The following RBMS3 variants were observed in gnomAD, a reference collection of about 807,000 sequenced individuals.
RBMS3 encodes RNA-binding motif, single-stranded-interacting protein 3.
Under a neutral mutation model 66.8 loss-of-function variants are expected in RBMS3, and 27 were observed. The observed-to-expected ratio is 0.40, with a 90% CI of 0.30 to 0.56. RBMS3 has a LOEUF of 0.56. Ranked by LOEUF, RBMS3 falls within the 20% of genes least tolerant of loss-of-function variation. RBMS3 has a pLI of 0.40. For synonymous variants in RBMS3, 188 were observed against 183.0 expected, an observed-to-expected ratio of 1.03 and a Z score of -0.22; for missense variants, 513 against 549.5, an observed-to-expected ratio of 0.93 and a Z score of 0.66.
intron 1 of RBMS3, among the ~76,000 whole-genome samples, chr3:29,363,095 TG>T (rs2037697613): frequency 6.6e-6 from 1 of 152,204 alleles, no homozygotes; most frequent in Admixed American, 6.5e-5. Context: ...TTTTTAGTTT[TG>T]TGCTCACCTC....
chr3:29,334,451 G>T (rs143977319), intron 1 of RBMS3, among the ~76,000 whole-genome samples: 1 of 151,958 alleles, frequency 6.6e-6, no homozygotes, highest in African/African-American at 2.4e-5. Flanking sequence ...AAATACTCTC[G>T]TGTCTCTATA....
chr3:29,295,210 AG>A (rs2033140522), intron 1 of RBMS3, among the ~76,000 whole-genome samples: 1 of 149,690 alleles, frequency 6.7e-6, no homozygotes, highest in African/African-American at 2.4e-5. Flanking sequence ...TTTGTTCTGC[AG>A]TGTTCTCCTC....
chr3:29,915,099 A>T (rs898127968), intron 10 of RBMS3, among the ~76,000 whole-genome samples: 7 of 151,824 alleles, frequency 4.6e-5, no homozygotes, highest in Non-Finnish European at 1.0e-4. Context: ...AGGGATTTAT[A>T]AACCCTACAC....
Position 30,005,886 on chromosome 3 carries a change from C to T in RBMS3, c.*2024C>T, listed in dbSNP as rs1699791855. The T allele has an allele frequency of 6.6e-6, 1 of 151,820 alleles. No individual in the cohort carries two copies. Among genetic ancestry groups the T allele is most frequent in the African/African-American group, 2.4e-5 (1 of 41,398 alleles). 9.4% of individuals were successfully genotyped at this position (151,820 alleles called of 1,614,324 possible). On this transcript the variant is annotated 3_prime_UTR_variant, in exon 15 of 15. Transcript: ENST00000383767. The stretch of plus-strand genomic sequence containing the variant: ...AAGAACCAAAAGAATTAGGTTTGAT[C>T]AATCATTTAAGCCAAGGAGGAATAC...
At chr3:29,840,457 C>T (rs947614140) in intron 6 of RBMS3, among the ~76,000 whole-genome samples, 4 of 152,062 alleles carry the variant, frequency 2.6e-5, no homozygotes, top group South Asian at 2.1e-4. Flanking sequence ...TAATAAAACA[C>T]GGCTAAATTT....
intron 4 of RBMS3, among the ~76,000 whole-genome samples, chr3:29,605,407 G>A (rs1210531437): frequency 6.6e-6 from 1 of 151,748 alleles, no homozygotes; most frequent in Non-Finnish European, 1.5e-5. Context: ...ATTCCTTTGA[G>A]TTTTCCAGAA....
intron 8 of RBMS3, among the ~76,000 whole-genome samples, chr3:29,897,095 T>C (rs764044227): frequency 6.6e-6 from 1 of 151,584 alleles, no homozygotes; most frequent in Non-Finnish European, 1.5e-5. Flanking sequence ...ACAACACTCA[T>C]GGCTTTTCTC....
chr3:29,522,798 C>T (rs1403812647), intron 3 of RBMS3, among the ~76,000 whole-genome samples: 1 of 152,104 alleles, frequency 6.6e-6, no homozygotes, highest in Non-Finnish European at 1.5e-5. Context: ...GGTAGATTTG[C>T]AGGATACAGA....
intron 1 of RBMS3, among the ~76,000 whole-genome samples, chr3:29,323,292 C>T (rs1348419790): frequency 6.6e-6 from 1 of 151,936 alleles, no homozygotes; most frequent in East Asian, 1.9e-4. Context: ...TATTTTTTCA[C>T]ACAAAGTTGA....
intron 3 of RBMS3, among the ~76,000 whole-genome samples, chr3:29,585,109 T>C (rs150089229): frequency 7.0e-4 from 106 of 152,256 alleles, no homozygotes; most frequent in African/African-American, 2.4e-3. Flanking sequence ...CTCCCACCAC[T>C]ATATACCCTT....
In RBMS3 at chr3:29,623,355, C is replaced by G. The variant is rs147798148; in HGVS notation, c.399+36150C>G. 7.7e-3 allele frequency among the ~76,000 whole-genome samples: 1,162 copies of G among 151,836 alleles called. 30 individuals are homozygous for G. The highest frequency in any genetic ancestry group is 0.059 in the Admixed American group (895 of 15,240). On this transcript the variant is annotated intron_variant, in intron 4 of 14. Transcript: ENST00000383767. The stretch of plus-strand genomic sequence containing the variant: ...CGCCTGTAATCCCAGCACTTTGGGA[C>G]GCCGAGGCAGGCGGTTCACAAGGTC...
At chr3:29,302,415 G>A in intron 1 of RBMS3, among the ~76,000 whole-genome samples, 1 of 151,812 alleles carries the variant, frequency 6.6e-6, no homozygotes, top group East Asian at 1.9e-4. Flanking sequence ...AAAAATTGTT[G>A]TTTATGTTTT....
intron 4 of RBMS3, among the ~76,000 whole-genome samples, chr3:29,669,260 T>C (rs2050893786): frequency 2.0e-5 from 3 of 152,232 alleles, no homozygotes; most frequent in African/African-American, 7.2e-5. Flanking sequence ...TTACCTCACC[T>C]ACTTCACTCC....
chr3:29,582,186 A>T (rs767905302), intron 3 of RBMS3, among the ~76,000 whole-genome samples: 4 of 149,722 alleles, frequency 2.7e-5, no homozygotes. Flanking sequence ...AGATAGATAG[A>T]TAGATAGATA....
intron 4 of RBMS3, among the ~76,000 whole-genome samples, chr3:29,632,032 C>T (rs12487854): frequency 6.6e-6 from 1 of 151,754 alleles, no homozygotes; most frequent in Non-Finnish European, 1.5e-5. Flanking sequence ...AATGAATGAC[C>T]GTTAGATTAG....
At chr3:29,745,609 A>AG (rs1335635031) in intron 5 of RBMS3, among the ~76,000 whole-genome samples, 2 of 152,118 alleles carry the variant, frequency 1.3e-5, no homozygotes, top group Non-Finnish European at 2.9e-5. Flanking sequence ...CAGGGGGAGC[A>AG]GGGGGAGCAT....
chr3:29,319,618 C>G (rs2034892415), intron 1 of RBMS3, among the ~76,000 whole-genome samples: 1 of 151,970 alleles, frequency 6.6e-6, no homozygotes, highest in Non-Finnish European at 1.5e-5. Flanking sequence ...ATTCTCATCT[C>G]CATTTTACAG....
chr3:29,546,163 A>C (rs1400468358), intron 3 of RBMS3, among the ~76,000 whole-genome samples: 2 of 146,564 alleles, frequency 1.4e-5, no homozygotes, highest in Non-Finnish European at 3.0e-5. Flanking sequence ...TTTCACATGA[A>C]ATATGCACAT....
intron 4 of RBMS3, among the ~76,000 whole-genome samples, chr3:29,686,839 AT>A (rs1229918940): frequency 1.3e-5 from 2 of 152,110 alleles, no homozygotes; most frequent in South Asian, 2.1e-4. Flanking sequence ...TTTATTGTTT[AT>A]TTTTTTCTTC....
Sources: allele counts gnomAD v4.1 joint callset (sites outside exome capture counted in the v4.1 genomes callset), GRCh38; gene constraint gnomAD v4.1.1; transcripts MANE v1.5; gene names NCBI Gene and HGNC (gene_info 2026-07-23, HGNC 2026-07-21).